The following CDKL3 variants were observed in gnomAD, a reference collection of about 807,000 sequenced individuals.
CDKL3 encodes cyclin dependent kinase like 3.
A neutral mutation model predicts 69.3 loss-of-function variants in CDKL3; 65 were observed. That is an observed-to-expected ratio of 0.94 (90% CI 0.77 to 1.15). CDKL3 has a LOEUF of 1.15. CDKL3 is among the 50% of genes most tolerant of loss of function. The probability of loss-of-function intolerance (pLI) is 0.00; values close to 1 mark genes in which losing one functional copy is unlikely to be tolerated. For synonymous variants in CDKL3, 202 were observed against 221.6 expected, an observed-to-expected ratio of 0.91 and a Z score of 0.79; for missense variants, 652 against 689.2, an observed-to-expected ratio of 0.95 and a Z score of 0.61.
chr5:134,367,350 G>A (rs951425008), upstream of CDKL3: 1 of 949,746 alleles, frequency 1.1e-6, no homozygotes, highest in Non-Finnish European at 1.3e-6. Flanking sequence ...TTTGAATGTG[G>A]ATAGGAAGGA....
At chr5:134,354,863 C>T (rs191423277) in intron 3 of CDKL3, among the ~76,000 whole-genome samples, 325 of 152,142 alleles carry the variant, frequency 2.1e-3, no homozygotes, top group African/African-American at 7.4e-3. Context: ...AGGAGAATCG[C>T]TTGAACCCAG....
At chr5:134,357,690 T>A (rs1236482846) in intron 3 of CDKL3, among the ~76,000 whole-genome samples, 1 of 152,070 alleles carries the variant, frequency 6.6e-6, no homozygotes, top group Non-Finnish European at 1.5e-5. Flanking sequence ...CTCTCATATC[T>A]AATTACTTCC....
upstream of CDKL3, among the ~76,000 whole-genome samples, chr5:134,370,219 G>A (rs908626740): frequency 2.0e-5 from 3 of 152,172 alleles, no homozygotes; most frequent in African/African-American, 4.8e-5. Context: ...TTCCCCAAAT[G>A]GATACAAAAG....
chr5:134,319,148 C>CGG (rs1283344882), intron 6 of CDKL3: 10 of 352,604 alleles, frequency 2.8e-5, no homozygotes, highest in Middle Eastern at 7.8e-4. Flanking sequence ...ACAGCCAACA[C>CGG]GGTGAAACCC....
intron 5 of CDKL3, among the ~76,000 whole-genome samples, chr5:134,321,343 A>G (rs1167548691): frequency 1.3e-5 from 2 of 152,130 alleles, no homozygotes; most frequent in African/African-American, 4.8e-5. Flanking sequence ...TAAGTTATTT[A>G]GCTATCTGGC....
chr5:134,301,383 T>G (rs981201118), intron 12 of CDKL3, among the ~76,000 whole-genome samples: 4 of 152,200 alleles, frequency 2.6e-5, no homozygotes, highest in African/African-American at 9.6e-5. Flanking sequence ...ACTAAAGAGA[T>G]AGCCCTAAAT....
At chr5:134,317,548 T>C (rs907938110) in intron 6 of CDKL3, among the ~76,000 whole-genome samples, 3 of 152,108 alleles carry the variant, frequency 2.0e-5, no homozygotes, top group Admixed American at 6.6e-5. Context: ...CACTAGAGGA[T>C]AGGAGTTCGA....
chr5:134,340,998 T>G (rs950664079), intron 4 of CDKL3, among the ~76,000 whole-genome samples: 1 of 152,188 alleles, frequency 6.6e-6, no homozygotes, highest in Non-Finnish European at 1.5e-5. Flanking sequence ...TGTGACCAAC[T>G]GGGATTTATT....
At chr5:134,342,639 G>A (rs1232741041) in intron 4 of CDKL3, among the ~76,000 whole-genome samples, 4 of 151,532 alleles carry the variant, frequency 2.6e-5, no homozygotes, top group Non-Finnish European at 5.9e-5. Flanking sequence ...ATTTATGGAA[G>A]ATCTAAATAA....
In CDKL3 at chr5:134,306,617, G is replaced by A. The variant is rs750477467; in HGVS notation, c.1450C>T (p.Pro484Ser). The change falls in exon 10 of 13, where the codon CCT (proline) becomes TCT (serine). Residue 484 changes from proline (P) to serine (S), a missense_variant. Pro to Ser is a moderately conservative substitution (Grantham distance 74). Coordinates refer to ENST00000265334, the MANE Select transcript of CDKL3 (RefSeq NM_001113575.2). ...MPNSRQEDPG[P>S]IQSQMEKGIF... The stretch of plus-strand genomic sequence containing the variant: ...GTAGCTTCTTGCCTTACTTGAATAG[G>A]ACCTGGATCCTCTTGCCTGCTATTA... 5 of 1,586,054 alleles carry A rather than the reference G, an allele frequency of 3.2e-6. No homozygotes were observed. In the Admixed American group the frequency reaches 5.3e-5, roughly 17 times the overall value.
intron 4 of CDKL3, among the ~76,000 whole-genome samples, chr5:134,331,519 T>C (rs989961537): frequency 1.3e-5 from 2 of 152,032 alleles, no homozygotes; most frequent in African/African-American, 4.8e-5. Context: ...TGTGTTCTCA[T>C]TGTTCAACTC....
rs547517904 is a variant in CDKL3, at chr5:134,366,235, AGAGT to A, written c.165+120_165+123del. ...TAAAATTACAAAATGTAGATAAGATAGAGTATTACACTTGTTTCTCCATAATATG... is the reference window on the plus strand; with the variant it reads ...TAAAATTACAAAATGTAGATAAGATAATTACACTTGTTTCTCCATAATATG... On this transcript the variant is annotated intron_variant, in intron 2 of 12. Coordinates refer to ENST00000265334, the MANE Select transcript of CDKL3 (RefSeq NM_001113575.2). The A allele has an allele frequency of 4.3e-4, 276 of 638,114 alleles. 2 individuals carry two copies. The highest frequency in any genetic ancestry group is 7.0e-4 in the South Asian group (31 of 44,132). The allele number at this position is 638,114 out of a possible 1,614,324, so 39.5% of individuals were successfully genotyped here. A position where few individuals can be genotyped will look rare whatever the true frequency, so the allele number is the denominator to read the frequency against.
intron 6 of CDKL3, 162 bp downstream of exon 6, chr5:134,319,196 T>G (rs929213723): frequency 2.1e-6 from 1 of 480,278 alleles, no homozygotes; most frequent in African/African-American, 2.1e-5. Flanking sequence ...CCGGGCATGG[T>G]GGCAGGTGCC....
At chr5:134,313,783 A>T (rs1436332428) in intron 6 of CDKL3, among the ~76,000 whole-genome samples, 1 of 152,048 alleles carries the variant, frequency 6.6e-6, no homozygotes, top group Admixed American at 6.6e-5. Context: ...TTGATTCACA[A>T]GGAGAAATTA....
At position 134,359,993 on chromosome 5, in the gene CDKL3, A is replaced by G. The variant is rs1163702478; in HGVS notation, c.264T>C (p.Asp88=). 7 of 1,562,338 alleles carry G rather than the reference A, an allele frequency of 4.5e-6. No homozygotes were observed. Among genetic ancestry groups the G allele is most frequent in the Non-Finnish European group, 4.4e-6 (5 of 1,148,620 alleles). ...VFEFIDHTVL[D]ELQHYCHGLE... ...GTCCATGACAATAATGTTGTAACTC[A>G]TCTAATACTGTGTGGTCAATAAATT... The change falls in exon 3 of 13, where the codon GAT becomes GAC. Residue 88 remains aspartate (D), a synonymous_variant. Transcript: ENST00000265334.
intron 4 of CDKL3, 151 bp downstream of exon 4, chr5:134,350,098 G>A (rs1752895729): frequency 5.6e-6 from 3 of 535,240 alleles, no homozygotes; most frequent in African/African-American, 2.0e-5. Flanking sequence ...TGAAACAGGA[G>A]AATTGCTTGA....
chr5:134,365,126 G>A (rs2149671786), intron 2 of CDKL3, among the ~76,000 whole-genome samples: 1 of 152,070 alleles, frequency 6.6e-6, no homozygotes, highest in African/African-American at 2.4e-5. Context: ...GGGACCACAA[G>A]CACCCGCCAC....
chr5:134,349,777 G>GTGTT (rs1752791825), intron 4 of CDKL3, among the ~76,000 whole-genome samples: 1 of 152,120 alleles, frequency 6.6e-6, no homozygotes, highest in African/African-American at 2.4e-5. Flanking sequence ...GTACCTAAAG[G>GTGTT]ATCTGTTATG....
chr5:134,310,340 C>A (rs1437125899), intron 7 of CDKL3, among the ~76,000 whole-genome samples: 1 of 151,914 alleles, frequency 6.6e-6, no homozygotes, highest in Non-Finnish European at 1.5e-5. Flanking sequence ...GGCCCGCCAC[C>A]ACACCCAACT....
Sources: allele counts gnomAD v4.1 joint callset (sites outside exome capture counted in the v4.1 genomes callset), GRCh38; gene constraint gnomAD v4.1.1; transcripts MANE v1.5; gene names NCBI Gene and HGNC (gene_info 2026-07-23, HGNC 2026-07-21).